MAMLD1: variants seen among roughly 807,000 people sequenced by gnomAD.
MAMLD1 encodes the protein mastermind-like domain-containing protein 1.
MAMLD1 carries 14 observed loss-of-function variants against 45.0 expected under a neutral mutation model. The observed-to-expected ratio is 0.31, with a 90% CI of 0.21 to 0.49. The LOEUF is 0.49. Among genes scored for constraint, MAMLD1 ranks in the 20% least tolerant of loss-of-function variants. The pLI, the probability that MAMLD1 is intolerant of heterozygous loss-of-function variation, is 0.99. For missense variants in MAMLD1, 543 were observed against 603.6 expected (o/e 0.90, Z 1.05); for synonymous variants, 254 against 247.8 (o/e 1.02, Z -0.24).
chrX:150,388,309 T>G (rs1196280075), intron 1 of MAMLD1, among the ~76,000 whole-genome samples: 1 of 112,004 alleles, frequency 8.9e-6, no homozygotes, highest in South Asian at 3.7e-4. Flanking sequence ...TGGTCTGTAG[T>G]TTTCTTTTTT....
At chrX:150,396,502 A>G (rs1272180196) in intron 1 of MAMLD1, among the ~76,000 whole-genome samples, 6 of 110,981 alleles carry the variant, frequency 5.4e-5, no homozygotes, top group Admixed American at 1.9e-4. Context: ...TTATCTTTCT[A>G]TTCTTGATCT....
intron 1 of MAMLD1, among the ~76,000 whole-genome samples, chrX:150,404,233 C>T (rs138705458): frequency 0.024 from 2,643 of 111,670 alleles, 72 homozygotes; most frequent in African/African-American, 0.081. Context: ...GAGGCAAGGT[C>T]CACTGTATTC....
chrX:150,382,892 T>A (rs868908448), intron 1 of MAMLD1, among the ~76,000 whole-genome samples: 333 of 32,968 alleles, frequency 0.01, 68 homozygotes, highest in African/African-American at 0.011. Context: ...TTTATTTTTT[T>A]TTTTTTTTAT....
Position 150,470,268 on chromosome X carries a change from G to A in MAMLD1, c.695G>A (p.Ser232Asn). ...TCGGTTCAGATGTCACACTTGGAGA[G>A]CCTGGCTTCCAGCAAGGAGTTTGCT... Reference protein sequence around the residue: ...KPSVQMSHLESLASSKEFASS... With the variant: ...KPSVQMSHLENLASSKEFASS... Residue 232 changes from serine (S) to asparagine (N), a missense_variant, in exon 4 of 8, where the codon AGC becomes AAC. Physicochemically the swap from Ser to Asn is conservative, Grantham distance 46. Transcript: ENST00000370401. The A allele has an allele frequency of 1.7e-6, 2 of 1,209,961 alleles. No individual in the cohort carries two copies. Among genetic ancestry groups the A allele is most frequent in the East Asian group, 3.0e-5 (1 of 33,804 alleles).
chrX:150,402,491 A>T (rs1237756913), intron 1 of MAMLD1, among the ~76,000 whole-genome samples: 5 of 111,607 alleles, frequency 4.5e-5, no homozygotes, highest in African/African-American at 9.8e-5. Context: ...AAACTCGTTC[A>T]ACCATTGTGG....
intron 1 of MAMLD1, among the ~76,000 whole-genome samples, chrX:150,441,034 A>G (rs1012145050): frequency 1.9e-5 from 2 of 104,911 alleles, no homozygotes; most frequent in East Asian, 5.6e-4. Flanking sequence ...TTAATAATTA[A>G]TAATAATAAA....
Position 150,512,927 on chromosome X carries a change from C to G in MAMLD1, c.*968C>G, listed in dbSNP as rs2148372981. The G allele has an allele frequency of 8.7e-7, 1 of 1,156,041 alleles. No individual in the cohort carries two copies. The highest frequency in any genetic ancestry group is 3.2e-5 in the East Asian group (1 of 30,788). On this transcript the variant is annotated 3_prime_UTR_variant, in exon 8 of 8. Coordinates refer to ENST00000370401, the MANE Select transcript of MAMLD1 (RefSeq NM_005491.5). ...CAATGAGGTAGATTTCATTGAAGCT[C>G]TCTTGAAAGGCTCCTGTGTGAGCCC...
chrX:150,367,680 G>A (rs2124443914), intron 1 of MAMLD1, among the ~76,000 whole-genome samples: 1 of 111,474 alleles, frequency 9.0e-6, no homozygotes, highest in African/African-American at 3.3e-5. Context: ...TTTAACATTA[G>A]GTATATCTCC....
chrX:150,420,748 T>C (rs2034465498), intron 1 of MAMLD1, among the ~76,000 whole-genome samples: 2 of 112,569 alleles, frequency 1.8e-5, no homozygotes, highest in Admixed American at 9.3e-5. Flanking sequence ...GTTAGGCTGC[T>C]CGGGGGTCAG....
chrX:150,492,858 C>T (rs782206146), intron 5 of MAMLD1, among the ~76,000 whole-genome samples: 15 of 111,951 alleles, frequency 1.3e-4, no homozygotes, highest in African/African-American at 4.9e-4. Context: ...GATGACCTGA[C>T]TAGGTGATCT....
intron 1 of MAMLD1, among the ~76,000 whole-genome samples, chrX:150,388,023 A>G (rs185301662): frequency 0.013 from 1,419 of 111,796 alleles, 10 homozygotes; most frequent in Non-Finnish European, 0.019. Flanking sequence ...TTGTTTTGGT[A>G]TCAGAGTTAT....
intron 5 of MAMLD1, among the ~76,000 whole-genome samples, chrX:150,484,365 A>G (rs1274252483): frequency 8.9e-6 from 1 of 112,183 alleles, no homozygotes; most frequent in Non-Finnish European, 1.9e-5. Context: ...TTGGCAGAAT[A>G]ATTACATCAC....
intron 1 of MAMLD1, among the ~76,000 whole-genome samples, chrX:150,422,144 G>A (rs981546375): frequency 3.6e-5 from 4 of 112,372 alleles, no homozygotes; most frequent in African/African-American, 1.3e-4. Flanking sequence ...CAGTGATGTC[G>A]GCACTTCTTT....
chrX:150,512,024 T>G lies in MAMLD1; in HGVS notation c.*65T>G, dbSNP rs1557409134. ...TGTAGCCGTCCAAGAACAAGTCACC[T>G]CCAAGTGTAGCCGGATCAAGGCAAG... is the stretch of plus-strand genomic sequence containing the variant. On this transcript the variant is annotated 3_prime_UTR_variant, in exon 8 of 8. Transcript: ENST00000370401. The G allele has an allele frequency of 9.1e-7, 1 of 1,099,146 alleles. No homozygotes were observed. The highest frequency in any genetic ancestry group is 2.3e-5 in the South Asian group (1 of 42,926). The allele number at this position is 1,099,146 out of a possible 1,213,427, so 90.6% of individuals were successfully genotyped here. A position where few individuals can be genotyped will look rare whatever the true frequency, so the allele number is the denominator to read the frequency against.
In MAMLD1 at chrX:150,511,910, G is replaced by A. The variant is rs781813962; in HGVS notation, c.*45-94G>A. The A allele has an allele frequency of 5.8e-4, 479 of 826,898 alleles. 1 individual carries two copies. The African/African-American group carries it at 9.3e-3, about 16-fold the overall frequency. 68.1% of individuals were successfully genotyped at this position (826,898 alleles called of 1,213,427 possible). On this transcript the variant is annotated intron_variant, in intron 7 of 7. Transcript: ENST00000370401. ...GAGAGCCAAGGGCGGGAGGTGAGAA[G>A]TCCGTGTTGGGCCAGGAGCTACCCT... is the stretch of plus-strand genomic sequence containing the variant.
At chrX:150,468,589 T>C (rs1465153642) in intron 3 of MAMLD1, among the ~76,000 whole-genome samples, 2 of 111,485 alleles carry the variant, frequency 1.8e-5, no homozygotes, top group Non-Finnish European at 3.8e-5. Context: ...ATACAGGTCA[T>C]GGTCATTAAC....
chrX:150,459,606 C>T (rs980890601), intron 2 of MAMLD1, among the ~76,000 whole-genome samples: 1 of 109,604 alleles, frequency 9.1e-6, no homozygotes, highest in Non-Finnish European at 1.9e-5. Context: ...AACTGGGCAC[C>T]CTCATCTGTA....
chrX:150,433,779 GC>G (rs1284461707), intron 1 of MAMLD1, among the ~76,000 whole-genome samples: 3 of 111,796 alleles, frequency 2.7e-5, no homozygotes, highest in African/African-American at 6.5e-5. Context: ...TGATGAATTA[GC>G]TTTTTGATGT....
chrX:150,364,854 C>T (rs2031277632), intron 1 of MAMLD1, among the ~76,000 whole-genome samples: 1 of 113,164 alleles, frequency 8.8e-6, no homozygotes, highest in African/African-American at 3.2e-5. Flanking sequence ...TTGCGCCGCC[C>T]CCAGCGGCCC....
Sources: gnomAD v4.1 joint callset for allele counts (sites outside exome capture counted in the v4.1 genomes callset) on GRCh38, gnomAD v4.1.1 for gene constraint, MANE v1.5 for transcripts, NCBI Gene and HGNC (gene_info 2026-07-23, HGNC 2026-07-21) for gene names.